Variants in RGS7 observed in about 807,000 individuals in gnomAD.
RGS7 encodes regulator of G-protein signaling 7.
A neutral mutation model predicts 81.1 loss-of-function variants in RGS7; 27 were observed. That is an observed-to-expected ratio of 0.33 (90% CI 0.25 to 0.46). The LOEUF is 0.46. Among genes scored for constraint, RGS7 ranks in the 20% least tolerant of loss-of-function variants. The probability of loss-of-function intolerance (pLI) is 1.00; values close to 1 mark genes in which losing one functional copy is unlikely to be tolerated. For synonymous variants in RGS7, 208 were observed against 207.7 expected (o/e 1.00, Z -0.01); for missense variants, 396 against 607.4 (o/e 0.65, Z 3.66).
chr1:240,984,995 C>G (rs1398013340), intron 3 of RGS7, among the ~76,000 whole-genome samples: 1 of 152,142 alleles, frequency 6.6e-6, no homozygotes, highest in Admixed American at 6.5e-5. Flanking sequence ...GGAAGACAGA[C>G]TCATCCAGAT....
chr1:241,327,020 A>AGGGAGGGAGGG (rs2081546204), intron 2 of RGS7, among the ~76,000 whole-genome samples: 7 of 520 alleles, frequency 0.013, no homozygotes, highest in Non-Finnish European at 0.026. Context: ...GGAAGGAAGG[A>AGGGAGGGAGGG]AGGAAGGAAG....
At chr1:241,165,838 C>T (rs1032059477) in intron 2 of RGS7, among the ~76,000 whole-genome samples, 1 of 151,658 alleles carries the variant, frequency 6.6e-6, no homozygotes, top group Admixed American at 6.6e-5. Context: ...AAAAGACAAC[C>T]TGGTACCAAA....
intron 10 of RGS7, chr1:240,823,236 T>C: frequency 1.4e-6 from 1 of 732,504 alleles, no homozygotes; most frequent in South Asian, 1.4e-5. Context: ...AGAGGGTCCA[T>C]CCTATGCTCA....
chr1:241,305,884 G>C, intron 2 of RGS7: 1 of 239,538 alleles, frequency 4.2e-6, no homozygotes, highest in South Asian at 4.4e-5. Context: ...GGTAGTGCAG[G>C]ACCATGGCTG....
chr1:241,142,268 T>C (rs1225914109), intron 2 of RGS7, among the ~76,000 whole-genome samples: 3 of 152,156 alleles, frequency 2.0e-5, no homozygotes, highest in African/African-American at 4.8e-5. Flanking sequence ...GTCTGAAGGA[T>C]GGTGGCCTTC....
intron 18 of RGS7, among the ~76,000 whole-genome samples, chr1:240,780,207 G>A (rs897644151): frequency 6.6e-6 from 1 of 152,156 alleles, no homozygotes; most frequent in Admixed American, 6.5e-5. Context: ...AGCTCTTTGG[G>A]AGGCCGAGGC....
At chr1:240,776,686 C>T (rs143050049) in intron 18 of RGS7, among the ~76,000 whole-genome samples, 77 of 152,116 alleles carry the variant, frequency 5.1e-4, no homozygotes, top group Middle Eastern at 3.4e-3. Context: ...GTAGAGGATA[C>T]GATTTAATTA....
rs61440624 is a variant in RGS7, at chr1:241,068,283, C to T, written c.175+30383G>A. Among the ~76,000 whole-genome samples the T allele has an allele frequency of 9.8e-4, 62 of 63,132 alleles. 3 individuals are homozygous for T. The highest frequency in any genetic ancestry group is 3.6e-3 in the East Asian group (5 of 1,394). 41.4% of individuals were successfully genotyped at this position (63,132 alleles called of 152,430 possible). A position where few individuals can be genotyped will look rare whatever the true frequency, so the allele number is the denominator to read the frequency against. ...AAAATATTGTGTATATATAATATTACGTGTATAATCATGTTTTAAAGACCT... is the reference window on the plus strand; with the variant it reads ...AAAATATTGTGTATATATAATATTATGTGTATAATCATGTTTTAAAGACCT... On this transcript the variant is annotated intron_variant, in intron 3 of 18. Transcript: ENST00000440928.
intron 4 of RGS7, among the ~76,000 whole-genome samples, chr1:240,974,261 A>G (rs1683727926): frequency 6.6e-6 from 1 of 152,210 alleles, no homozygotes; most frequent in Non-Finnish European, 1.5e-5. Flanking sequence ...TTAAGTTTTT[A>G]TCCTAGATAA....
At chr1:240,991,657 C>A (rs1318276630) in intron 3 of RGS7, among the ~76,000 whole-genome samples, 2 of 152,098 alleles carry the variant, frequency 1.3e-5, no homozygotes, top group African/African-American at 4.8e-5. Context: ...TTTTTAAAGA[C>A]CATTTTATAT....
At chr1:240,970,307 T>G (rs946698880) in intron 4 of RGS7, among the ~76,000 whole-genome samples, 1 of 152,238 alleles carries the variant, frequency 6.6e-6, no homozygotes, top group African/African-American at 2.4e-5. Flanking sequence ...ACTTTGGCAA[T>G]GAAAACTTCA....
chr1:240,927,635 C>T (rs951308526), intron 6 of RGS7, among the ~76,000 whole-genome samples: 1 of 152,112 alleles, frequency 6.6e-6, no homozygotes, highest in Non-Finnish European at 1.5e-5. Flanking sequence ...AGCATCATTG[C>T]CTGCAGGTAC....
At chr1:241,345,769 G>T (rs934100649) in intron 2 of RGS7, among the ~76,000 whole-genome samples, 6 of 152,122 alleles carry the variant, frequency 3.9e-5, no homozygotes, top group African/African-American at 1.4e-4. Context: ...TGTAATCCCA[G>T]CACTTTGGGA....
chr1:241,031,818 G>C (rs945765693), intron 3 of RGS7, among the ~76,000 whole-genome samples: 2 of 150,496 alleles, frequency 1.3e-5, no homozygotes, highest in African/African-American at 5.0e-5. Flanking sequence ...CTTTTTAATG[G>C]GGTTATTTGT....
chr1:241,041,140 A>C (rs1212232076), intron 3 of RGS7, among the ~76,000 whole-genome samples: 1 of 152,214 alleles, frequency 6.6e-6, no homozygotes, highest in Non-Finnish European at 1.5e-5. Flanking sequence ...AAATGAACTG[A>C]AAAAAGACCT....
At chr1:240,783,731 G>A (rs935795336) in intron 18 of RGS7, among the ~76,000 whole-genome samples, 5 of 152,046 alleles carry the variant, frequency 3.3e-5, no homozygotes, top group Admixed American at 2.0e-4. Flanking sequence ...TGAAGGCCAG[G>A]CTCTTAGCTA....
intron 5 of RGS7, among the ~76,000 whole-genome samples, chr1:240,934,870 A>G (rs1487873420): frequency 1.0e-4 from 12 of 116,100 alleles, no homozygotes; most frequent in Non-Finnish European, 2.1e-4. Flanking sequence ...CCCTTCCTTC[A>G]CATGGCTTTT....
intron 2 of RGS7, among the ~76,000 whole-genome samples, chr1:241,205,540 A>G (rs2073823580): frequency 6.6e-6 from 1 of 150,802 alleles, no homozygotes; most frequent in Non-Finnish European, 1.5e-5. Context: ...GGCTCACTTC[A>G]GCCTCCACCC....
intron 2 of RGS7, among the ~76,000 whole-genome samples, chr1:241,187,634 G>A (rs749328857): frequency 6.6e-6 from 1 of 152,284 alleles, no homozygotes; most frequent in Non-Finnish European, 1.5e-5. Context: ...GAATGCCAAA[G>A]TTCTCATCTT....
Sources: allele counts gnomAD v4.1 joint callset (sites outside exome capture counted in the v4.1 genomes callset), GRCh38; gene constraint gnomAD v4.1.1; transcripts MANE v1.5; gene names NCBI Gene and HGNC (gene_info 2026-07-23, HGNC 2026-07-21).